DOCK6: variants seen among roughly 807,000 people sequenced by gnomAD.
DOCK6 encodes the protein dedicator of cytokinesis protein 6.
In DOCK6, 167 loss-of-function variants were observed where a neutral mutation model predicts 230.3. The observed-to-expected ratio is 0.73, with a 90% CI of 0.64 to 0.82. The LOEUF (loss-of-function observed/expected upper bound fraction) is 0.82. Among genes scored for constraint, DOCK6 ranks in the 40% least tolerant of loss-of-function variants. The probability of loss-of-function intolerance (pLI) is 0.00; values close to 1 mark genes in which losing one functional copy is unlikely to be tolerated. For synonymous variants in DOCK6, 1,148 were observed against 1,185.0 expected (o/e 0.97, Z 0.64); for missense variants, 2,598 against 2,825.8 (o/e 0.92, Z 1.83).
chr19:11,247,736 T>G, intron 7 of DOCK6: 1 of 204,368 alleles, frequency 4.9e-6, no homozygotes, highest in Admixed American at 5.5e-5. Context: ...ACTCCAGCCT[T>G]ACAAGTTGTA....
At chr19:11,230,043 C>CAAA (rs74180012) in intron 22 of DOCK6, among the ~76,000 whole-genome samples, 55 of 46,320 alleles carry the variant, frequency 1.2e-3, no homozygotes, top group African/African-American at 3.2e-3. Flanking sequence ...GACTCCATCT[C>CAAA]AAAAAAAAAA....
chr19:11,202,206 G>A lies in DOCK6; in HGVS notation c.5452-81C>T. The A allele has an allele frequency of 6.7e-7, 1 of 1,489,014 alleles. No individual in the cohort carries two copies. The highest frequency in any genetic ancestry group is 9.2e-7 in the Non-Finnish European group (1 of 1,082,272). 92.2% of individuals were successfully genotyped at this position (1,489,014 alleles called of 1,614,324 possible). A position where few individuals can be genotyped will look rare whatever the true frequency, so the allele number is the denominator to read the frequency against. Reference sequence around the variant, plus strand: ...CCTGTTCCTGGAGAGAGGGGATCTGGGGACTTTGTCATTTCCAAGTCTTCC... The same window carrying A: ...CCTGTTCCTGGAGAGAGGGGATCTGAGGACTTTGTCATTTCCAAGTCTTCC... On this transcript the variant is annotated intron_variant, in intron 43 of 47. Transcript: ENST00000294618. The surrounding 1 kb of genome is among the most constrained non-coding windows in gnomAD (Gnocchi z 5.3).
chr19:11,236,648 C>T lies in DOCK6; in HGVS notation c.2161-71G>A. 1 of 1,513,172 alleles carries T rather than the reference C, an allele frequency of 6.6e-7. No homozygotes were observed. Among genetic ancestry groups the T allele is most frequent in the Non-Finnish European group, 9.0e-7 (1 of 1,115,312 alleles). 93.7% of individuals were successfully genotyped at this position (1,513,172 alleles called of 1,614,324 possible). A position where few individuals can be genotyped will look rare whatever the true frequency, so the allele number is the denominator to read the frequency against. ...AGACCACCCCTGCCTGAATCAGCAG[C>T]TTCCCTTAAAGCTGGGTCCAGCTGA... On this transcript the variant is annotated intron_variant, in intron 19 of 47. Transcript: ENST00000294618. This position sits in a 1 kb window ranked among gnomAD's most constrained non-coding sequence, Gnocchi z 5.2.
chr19:11,262,292 G>T, intron 1 of DOCK6, 105 bp downstream of exon 1: 1 of 760,208 alleles, frequency 1.3e-6, no homozygotes, highest in South Asian at 6.0e-5. Context: ...GGGCCGAGGC[G>T]GAAAGGGGTT....
chr19:11,210,609 T>TTCACCTGTCTGTCCCC (rs2079365607), intron 37 of DOCK6, among the ~76,000 whole-genome samples: 3 of 132,110 alleles, frequency 2.3e-5, no homozygotes, highest in African/African-American at 8.7e-5. Flanking sequence ...TGTCCATCCC[T>TTCACCTGTCTGTCCCC]TCACCTGTCT....
Position 11,241,277 on chromosome 19 carries a change from C to T in DOCK6, c.1643+768G>A, listed in dbSNP as rs189500430. Among the ~76,000 whole-genome samples the T allele has an allele frequency of 5.4e-3, 827 of 152,128 alleles. 5 individuals carry two copies. The highest frequency in any genetic ancestry group is 9.5e-3 in the Non-Finnish European group (646 of 67,984). ...AATCCATAGGATGTTCATCACCTCC[C>T]CATGAAGTGAGTCCTATTTTATCCC... On this transcript the variant is annotated intron_variant, in intron 14 of 47. Transcript: ENST00000294618.
At chr19:11,235,471 G>A (rs990833053) in intron 21 of DOCK6, 127 bp downstream of exon 21, 59 of 955,694 alleles carry the variant, frequency 6.2e-5, no homozygotes, top group Admixed American at 2.7e-4. Context: ...AGTTGATCTC[G>A]AACTCCTGAC....
chr19:11,213,534 C>T (rs1219781510), intron 34 of DOCK6, among the ~76,000 whole-genome samples: 2 of 152,208 alleles, frequency 1.3e-5, no homozygotes, highest in African/African-American at 4.8e-5. Context: ...TTCTGCCTTC[C>T]TTCCACTGTA....
At chr19:11,226,688 C>T (rs935809180) in intron 24 of DOCK6, among the ~76,000 whole-genome samples, 5 of 151,988 alleles carry the variant, frequency 3.3e-5, no homozygotes, top group Non-Finnish European at 5.9e-5. Flanking sequence ...AAAAATGATA[C>T]GATCCACATA....
rs764110909 is a variant in DOCK6 at position 11,252,557 on chromosome 19, C to G, written c.309-7G>C. On this transcript the variant is annotated splice_polypyrimidine_tract_variant and splice_region_variant and intron_variant, in intron 3 of 47. Transcript: ENST00000294618. The stretch of plus-strand genomic sequence containing the variant: ...CACCTGGGCATCCAGTTTTCTGCAG[C>G]AAAAGAAGATCAGGGTAAACAGAGA... The G allele has an allele frequency of 1.4e-5, 22 of 1,613,774 alleles. No individual in the cohort carries two copies. The highest frequency in any genetic ancestry group is 1.5e-5 in the Non-Finnish European group (18 of 1,179,902).
Position 11,209,073 on chromosome 19 carries a change from G to A in DOCK6, c.4782C>T (p.Asp1594=). Reference sequence around the variant, plus strand: ...TGTTCTGCAACCAGGTCAGCCGAAGGTCCGGTGAGCCCTGGTAGCCCCGGG... The same window carrying A: ...TGTTCTGCAACCAGGTCAGCCGAAGATCCGGTGAGCCCTGGTAGCCCCGGG... ...RIARGYQGSP[D]LRLTWLQNMA... is the part of the protein sequence containing the mutation. The change falls in exon 38 of 48, where the codon GAC becomes GAT. Residue 1594 remains aspartate (D), a synonymous_variant. Transcript: ENST00000294618. The A allele has an allele frequency of 6.2e-7, 1 of 1,612,308 alleles. No individual in the cohort carries two copies.
At chr19:11,229,682 G>A (rs938033313) in intron 22 of DOCK6, among the ~76,000 whole-genome samples, 4 of 151,956 alleles carry the variant, frequency 2.6e-5, no homozygotes, top group African/African-American at 9.7e-5. Flanking sequence ...AAGAGTCGCT[G>A]GAGAGAGCTG....
At position 11,200,886 on chromosome 19, in the gene DOCK6, C is replaced by G. The variant is rs760877084; in HGVS notation, c.5832+23G>C. 1.2e-6 allele frequency: 2 copies of G among 1,613,842 alleles called. No individual in the cohort carries two copies. Among genetic ancestry groups the G allele is most frequent in the East Asian group, 4.5e-5 (2 of 44,862 alleles). Reference sequence around the variant, plus strand: ...CACCTGGAGTCCCCCGTGCGGCTTGCATCCCCCTTCCACCAGCCGTGCCTG... The same window carrying G: ...CACCTGGAGTCCCCCGTGCGGCTTGGATCCCCCTTCCACCAGCCGTGCCTG... On this transcript the variant is annotated intron_variant, in intron 45 of 47. Coordinates refer to ENST00000294618, the MANE Select transcript of DOCK6 (RefSeq NM_020812.4). The surrounding 1 kb of genome is among the most constrained non-coding windows in gnomAD (Gnocchi z 4.3).
At chr19:11,219,438 T>G (rs1242736876) in intron 28 of DOCK6, among the ~76,000 whole-genome samples, 2 of 150,746 alleles carry the variant, frequency 1.3e-5, no homozygotes, top group African/African-American at 4.9e-5. Flanking sequence ...TCCGCCCACC[T>G]CAGCCTCCCA....
chr19:11,214,515 G>A (rs746827337), intron 33 of DOCK6, 38 bp downstream of exon 33: 14 of 1,613,392 alleles, frequency 8.7e-6, no homozygotes, highest in Admixed American at 5.0e-5. Context: ...ACTGCAGTTG[G>A]GCTCAGAGCA....
chr19:11,229,886 T>A (rs530720020), intron 22 of DOCK6, among the ~76,000 whole-genome samples: 57 of 151,038 alleles, frequency 3.8e-4, no homozygotes, highest in African/African-American at 1.2e-3. Context: ...CAAACAAAAA[T>A]ATATATATAT....
intron 35 of DOCK6, 136 bp downstream of exon 35, chr19:11,213,040 A>G (rs1318679223): frequency 1.2e-5 from 14 of 1,214,156 alleles, no homozygotes; most frequent in East Asian, 2.6e-5. Context: ...CTGACCCCCA[A>G]TTGCATTCTG....
intron 20 of DOCK6, chr19:11,235,987 TCTC>T (rs1377950451): frequency 1.9e-6 from 1 of 529,494 alleles, no homozygotes; most frequent in Non-Finnish European, 3.1e-6. Context: ...TTCAAGCAAT[TCTC>T]CTGCCTCAGC....
chr19:11,209,399 C>T (rs1260370426), intron 37 of DOCK6, among the ~76,000 whole-genome samples: 1 of 151,914 alleles, frequency 6.6e-6, no homozygotes, highest in Non-Finnish European at 1.5e-5. Context: ...CTCACTTGTC[C>T]TGCTGTCTCC....
Sources: allele counts gnomAD v4.1 joint callset (sites outside exome capture counted in the v4.1 genomes callset), GRCh38; gene constraint gnomAD v4.1.1; non-coding constraint Gnocchi (gnomAD v3.1); transcripts MANE v1.5; gene names NCBI Gene and HGNC (gene_info 2026-07-23, HGNC 2026-07-21).